CEP83: variants seen among roughly 807,000 people sequenced by gnomAD.
CEP83 encodes the protein centrosomal protein of 83 kDa.
CEP83 carries 70 observed loss-of-function variants against 101.9 expected under a neutral mutation model. That is an observed-to-expected ratio of 0.69 (90% CI 0.57 to 0.84). CEP83 has a LOEUF of 0.84. Ranked by LOEUF, CEP83 falls within the 40% of genes least tolerant of loss-of-function variation. The pLI is 0.00. For synonymous variants in CEP83, 264 were observed against 267.9 expected (o/e 0.99, Z 0.14); for missense variants, 715 against 787.2 (o/e 0.91, Z 1.10).
intron 13 of CEP83, among the ~76,000 whole-genome samples, chr12:94,333,226 T>C (rs1171610860): frequency 1.3e-5 from 2 of 152,106 alleles, no homozygotes; most frequent in African/African-American, 2.4e-5. Context: ...TAAAAAAAGT[T>C]TTCTTTGAGG....
the CEP83 span, among the ~76,000 whole-genome samples, chr12:94,267,662 C>T: frequency 6.6e-6 from 1 of 152,186 alleles, no homozygotes; most frequent in Non-Finnish European, 1.5e-5. Flanking sequence ...GCCCAGCCCC[C>T]CTTTCATGGT....
chr12:94,321,090 T>C (rs2136372200), intron 14 of CEP83, among the ~76,000 whole-genome samples: 1 of 152,350 alleles, frequency 6.6e-6, no homozygotes, highest in Non-Finnish European at 1.5e-5. Context: ...TTCTTTTTTA[T>C]TTTTGTCTGA....
At chr12:94,374,868 C>T (rs1430092840) in intron 8 of CEP83, among the ~76,000 whole-genome samples, 3 of 152,146 alleles carry the variant, frequency 2.0e-5, no homozygotes, top group African/African-American at 7.2e-5. Flanking sequence ...AGGTATTAGT[C>T]CCATTGCATA....
At chr12:94,288,464 G>A in the CEP83 span, among the ~76,000 whole-genome samples, 426 of 152,298 alleles carry the variant, frequency 2.8e-3, 3 homozygotes, top group African/African-American at 9.8e-3. Flanking sequence ...ATAGGCCGCA[G>A]AAGGAGCTGG....
intron 1 of CEP83, among the ~76,000 whole-genome samples, chr12:94,436,426 T>A (rs2065992283): frequency 6.6e-6 from 1 of 151,508 alleles, no homozygotes; most frequent in Non-Finnish European, 1.5e-5. Context: ...AAATACACAC[T>A]TAGAGAAATG....
At chr12:94,357,210 A>AT (rs909493802) in intron 11 of CEP83, among the ~76,000 whole-genome samples, 6 of 152,328 alleles carry the variant, frequency 3.9e-5, no homozygotes, top group African/African-American at 1.4e-4. Flanking sequence ...TTAGTTGATT[A>AT]TATCAAGGCC....
rs148886610 is a variant in CEP83, at chr12:94,449,204, C to A, written c.-155+10353G>T. ...AATGGACTACACTTCCTAGAACATA[C>A]AAATTACCAAAACTCTAGAAGAAAG... On this transcript the variant is annotated intron_variant, in intron 1 of 16. Coordinates refer to ENST00000397809, the MANE Select transcript of CEP83 (RefSeq NM_016122.3). Among the ~76,000 whole-genome samples the A allele has an allele frequency of 5.7e-3, 863 of 152,068 alleles. 7 individuals carry two copies. Among genetic ancestry groups the A allele is most frequent in the African/African-American group, 0.019 (803 of 41,478 alleles).
At chr12:94,367,439 G>A (rs1302595839) in intron 11 of CEP83, among the ~76,000 whole-genome samples, 10 of 151,790 alleles carry the variant, frequency 6.6e-5, no homozygotes, top group Non-Finnish European at 1.3e-4. Flanking sequence ...AAATGAGAGA[G>A]GATATACAAA....
At chr12:94,389,210 A>C (rs1319444799) in intron 6 of CEP83, among the ~76,000 whole-genome samples, 1 of 152,222 alleles carries the variant, frequency 6.6e-6, no homozygotes, top group Non-Finnish European at 1.5e-5. Flanking sequence ...AATAAATTAA[A>C]GGTAAATGGG....
intron 14 of CEP83, among the ~76,000 whole-genome samples, chr12:94,313,516 C>T (rs539230761): frequency 8.9e-6 from 1 of 112,278 alleles, no homozygotes; most frequent in African/African-American, 3.5e-5. Context: ...GACAACAGAT[C>T]AAGAACCCAT....
At chr12:94,356,047 G>A (rs1378183755) in intron 11 of CEP83, among the ~76,000 whole-genome samples, 2 of 151,784 alleles carry the variant, frequency 1.3e-5, no homozygotes, top group Non-Finnish European at 3.0e-5. Flanking sequence ...CTGGGTTAGG[G>A]TCTCCCCTAC....
intron 1 of CEP83, among the ~76,000 whole-genome samples, chr12:94,448,195 A>T (rs1202665373): frequency 1.3e-5 from 2 of 152,154 alleles, no homozygotes; most frequent in Admixed American, 1.3e-4. Flanking sequence ...AGATTTTAAG[A>T]TAAGAAATAT....
chr12:94,422,266 A>G (rs915940166), intron 2 of CEP83, among the ~76,000 whole-genome samples: 1 of 152,162 alleles, frequency 6.6e-6, no homozygotes, highest in Admixed American at 6.5e-5. Context: ...TTAGATTATA[A>G]ATGACCCTGT....
chr12:94,272,209 C>T, the CEP83 span: 1 of 152,166 alleles, frequency 6.6e-6, no homozygotes, highest in African/African-American at 2.4e-5. Flanking sequence ...AGAACAGAGA[C>T]CCAAGATGTC....
chr12:94,451,550 AAAAGGTG>A (rs1340436768), intron 1 of CEP83, among the ~76,000 whole-genome samples: 1 of 152,072 alleles, frequency 6.6e-6, no homozygotes, highest in Non-Finnish European at 1.5e-5. Flanking sequence ...TAACCACAGA[AAAAGGTG>A]TCCAACATTA....
At chr12:94,428,271 T>G (rs1403371234) in intron 2 of CEP83, among the ~76,000 whole-genome samples, 1 of 152,220 alleles carries the variant, frequency 6.6e-6, no homozygotes, top group African/African-American at 2.4e-5. Flanking sequence ...TAACATTTCT[T>G]AATGTAAGGT....
chr12:94,424,231 G>A (rs1299237790), intron 2 of CEP83: 1 of 1,613,194 alleles, frequency 6.2e-7, no homozygotes, highest in Non-Finnish European at 8.5e-7. Context: ...TCAAGGCCAT[G>A]ATGCCCATGT....
intron 2 of CEP83, among the ~76,000 whole-genome samples, chr12:94,433,290 T>G (rs1012098949): frequency 2.0e-5 from 3 of 151,864 alleles, no homozygotes; most frequent in Admixed American, 2.0e-4. Flanking sequence ...GGAGGAAGAA[T>G]AGAAGAAAGA....
the CEP83 span, chr12:94,301,146 G>A: frequency 2.6e-5 from 30 of 1,148,172 alleles, no homozygotes; most frequent in Non-Finnish European, 3.8e-5. Flanking sequence ...ATAAACAATT[G>A]GTCTAAACTA....
Sources: gnomAD v4.1 joint callset for allele counts (sites outside exome capture counted in the v4.1 genomes callset) on GRCh38, gnomAD v4.1.1 for gene constraint, MANE v1.5 for transcripts, NCBI Gene and HGNC (gene_info 2026-07-23, HGNC 2026-07-21) for gene names.